The following FRMD6 variants were observed in gnomAD, a reference collection of about 807,000 sequenced individuals.
The protein encoded by FRMD6 is FERM domain containing 6.
In FRMD6, 37 loss-of-function variants were observed where a neutral mutation model predicts 73.2. The ratio of observed to expected loss-of-function variants is 0.51; its 90% CI spans 0.39 to 0.66. FRMD6 has a LOEUF of 0.66. FRMD6 is among the 30% of genes least tolerant of loss of function. The pLI, the probability that FRMD6 is intolerant of heterozygous loss-of-function variation, is 0.00. For synonymous variants in FRMD6, 273 were observed against 282.2 expected (o/e 0.97, Z 0.33); for missense variants, 714 against 780.5 (o/e 0.91, Z 1.02).
the FRMD6 span, among the ~76,000 whole-genome samples, chr14:51,440,931 T>C: frequency 6.6e-6 from 1 of 152,236 alleles, no homozygotes; most frequent in Admixed American, 6.5e-5. Flanking sequence ...CCTGGCACTA[T>C]TAAGATTTGG....
At chr14:51,529,140 C>T (rs1885435073) in intron 1 of FRMD6, among the ~76,000 whole-genome samples, 1 of 152,196 alleles carries the variant, frequency 6.6e-6, no homozygotes, top group Admixed American at 6.5e-5. Context: ...GTTTTCAGTT[C>T]ATGCCTTTCC....
At chr14:51,423,658 G>A in the FRMD6 span, among the ~76,000 whole-genome samples, 15 of 152,226 alleles carry the variant, frequency 9.9e-5, no homozygotes, top group African/African-American at 2.6e-4. Flanking sequence ...AGGACTCTCC[G>A]GAAGGTTCTG....
chr14:51,722,188 C>T (rs775787457), intron 12 of FRMD6, 108 bp downstream of exon 12: 283 of 1,098,778 alleles, frequency 2.6e-4, no homozygotes, highest in Non-Finnish European at 2.7e-4. Flanking sequence ...AGACCAGAGA[C>T]TGGACTGCAC....
intron 2 of FRMD6, among the ~76,000 whole-genome samples, chr14:51,595,100 T>C (rs1889637247): frequency 6.6e-6 from 1 of 152,170 alleles, no homozygotes. Flanking sequence ...CGTTCTGTGC[T>C]AGGAGACCAC....
intron 1 of FRMD6, among the ~76,000 whole-genome samples, chr14:51,569,507 C>CTTTTTTTTTT (rs34661155): frequency 6.2e-4 from 76 of 122,782 alleles, no homozygotes; most frequent in Non-Finnish European, 9.1e-4. Context: ...TTCTTTCTTT[C>CTTTTTTTTTT]TTTTTTTTTT....
At chr14:51,578,498 T>C (rs1403421803) in intron 2 of FRMD6, among the ~76,000 whole-genome samples, 2 of 152,254 alleles carry the variant, frequency 1.3e-5, no homozygotes, top group African/African-American at 4.8e-5. Flanking sequence ...TCATTGCCTC[T>C]AAGCAGAGCA....
In FRMD6 at chr14:51,715,117, G is replaced by A. The variant is rs550460693; in HGVS notation, c.850-208G>A. 7.0e-5 allele frequency: 29 copies of A among 415,248 alleles called. No individual in the cohort carries two copies. In the South Asian group the frequency reaches 1.4e-3, roughly 20 times the overall value. The allele number at this position is 415,248 out of a possible 1,614,324, so 25.7% of individuals were successfully genotyped here. ...AGTCAGTGTTTACTGACAGACCCTTGTGGCTAGATGCTTTCCTGAATTTCT... is the reference window on the plus strand; with the variant it reads ...AGTCAGTGTTTACTGACAGACCCTTATGGCTAGATGCTTTCCTGAATTTCT... On this transcript the variant is annotated intron_variant, in intron 9 of 13. Coordinates refer to ENST00000344768, the MANE Select transcript of FRMD6 (RefSeq NM_001267046.2).
rs144755841 is a variant in FRMD6 at position 51,638,766 on chromosome 14, T to C, written c.-146-50925T>C. On this transcript the variant is annotated intron_variant, in intron 2 of 14. Transcript: ENST00000356218. The stretch of plus-strand genomic sequence containing the variant: ...TTAGTCTGATCAATTTAAGACACAG[T>C]AGAGCTTACACTGTTGGAATGGAAG... Among the ~76,000 whole-genome samples the C allele has an allele frequency of 2.8e-4, 43 of 152,292 alleles. No individual in the cohort carries two copies. The East Asian group carries it at 8.1e-3, about 29-fold the overall frequency.
At chr14:51,416,709 G>C in the FRMD6 span, among the ~76,000 whole-genome samples, 1 of 152,360 alleles carries the variant, frequency 6.6e-6, no homozygotes, top group African/African-American at 2.4e-5. Flanking sequence ...GGATATCCTT[G>C]TTAACCTTCT....
chr14:51,698,959 G>GT (rs1279225116), intron 3 of FRMD6, among the ~76,000 whole-genome samples: 1 of 151,790 alleles, frequency 6.6e-6, no homozygotes, highest in Admixed American at 6.6e-5. Flanking sequence ...GTCAAGAAGA[G>GT]TTTTTTTTGG....
the FRMD6 span, among the ~76,000 whole-genome samples, chr14:51,469,645 T>G: frequency 2.0e-5 from 3 of 151,402 alleles, no homozygotes; most frequent in Non-Finnish European, 4.4e-5. Context: ...AAAAAGCTAC[T>G]TTGCCATGAT....
intron 2 of FRMD6, among the ~76,000 whole-genome samples, chr14:51,619,075 C>T (rs2139910446): frequency 6.6e-6 from 1 of 152,024 alleles, no homozygotes; most frequent in Non-Finnish European, 1.5e-5. Context: ...GGCACTACTT[C>T]AAATAATTGC....
At chr14:51,468,657 C>T in the FRMD6 span, among the ~76,000 whole-genome samples, 6 of 152,212 alleles carry the variant, frequency 3.9e-5, no homozygotes, top group East Asian at 1.9e-4. Context: ...TGTTCCCAAA[C>T]CCGGGGGTGG....
At position 51,704,866 on chromosome 14, in the gene FRMD6, T is replaced by A; in HGVS notation, c.489T>A (p.Asp163Glu). ...FLLAAFALQA[D>E]LGNFKRNKHY... ...TGGCAGCCTTTGCCCTGCAGGCTGA[T>A]CTTGGGAACTTCAAAAGGAATAAGC... The change falls in exon 6 of 14, where the codon GAT becomes GAA. Residue 163 changes from aspartate to glutamate, a missense_variant. Transcript: ENST00000344768. The A allele has an allele frequency of 6.2e-7, 1 of 1,613,478 alleles. No individual in the cohort carries two copies.
intron 1 of FRMD6, among the ~76,000 whole-genome samples, chr14:51,508,865 C>T (rs1055197329): frequency 1.1e-4 from 16 of 152,192 alleles, no homozygotes; most frequent in Admixed American, 3.3e-4. Flanking sequence ...TCTCTTCCCA[C>T]CCTTTTCTTC....
chr14:51,442,803 C>T, the FRMD6 span, among the ~76,000 whole-genome samples: 1 of 152,310 alleles, frequency 6.6e-6, no homozygotes, highest in African/African-American at 2.4e-5. Flanking sequence ...ATATGCCAGA[C>T]CTCTTTAGTA....
chr14:51,692,493 TGTAC>T (rs1895669791), intron 2 of FRMD6, among the ~76,000 whole-genome samples: 1 of 151,904 alleles, frequency 6.6e-6, no homozygotes, highest in Non-Finnish European at 1.5e-5. Context: ...TGTGTGTGTG[TGTAC>T]ACACACAAGC....
At chr14:51,716,973 T>G (rs1897274272) in intron 10 of FRMD6, among the ~76,000 whole-genome samples, 1 of 152,254 alleles carries the variant, frequency 6.6e-6, no homozygotes, top group African/African-American at 2.4e-5. Context: ...CTATCAGCTT[T>G]CTGCCTGCAG....
intron 2 of FRMD6, among the ~76,000 whole-genome samples, chr14:51,606,232 A>C (rs7152034): frequency 1 from 151,852 of 152,246 alleles, 75,730 homozygotes; most frequent in East Asian, 1. Context: ...AATATCCTCA[A>C]ACTCACCAAC....
Sources: gnomAD v4.1 joint callset for allele counts (sites outside exome capture counted in the v4.1 genomes callset) on GRCh38, gnomAD v4.1.1 for gene constraint, MANE v1.5 for transcripts, NCBI Gene and HGNC (gene_info 2026-07-23, HGNC 2026-07-21) for gene names.